Variants in NIBAN1 observed in about 807,000 individuals in gnomAD.
NIBAN1 encodes protein Niban 1.
A neutral mutation model predicts 75.1 loss-of-function variants in NIBAN1; 81 were observed. The ratio of observed to expected loss-of-function variants is 1.08; its 90% CI spans 0.90 to 1.30. NIBAN1 has a LOEUF of 1.30. Ranked by LOEUF, NIBAN1 falls within the 50% of genes most tolerant of loss-of-function variation. NIBAN1 has a pLI of 0.00. For missense variants in NIBAN1, 1,133 were observed against 1,128.1 expected (o/e 1.00, Z -0.06); for synonymous variants, 436 against 424.8 (o/e 1.03, Z -0.32).
chr1:184,908,612 T>C (rs1255461772), intron 1 of NIBAN1, among the ~76,000 whole-genome samples: 1 of 152,156 alleles, frequency 6.6e-6, no homozygotes, highest in African/African-American at 2.4e-5. Flanking sequence ...TTAGAAAAAA[T>C]ATATATGCCC....
intron 2 of NIBAN1, among the ~76,000 whole-genome samples, chr1:184,898,706 T>C (rs234641): frequency 0.58 from 87,495 of 151,704 alleles, 26,361 homozygotes; most frequent in African/African-American, 0.77. Flanking sequence ...CCGTTTCCTG[T>C]GTGTGAATAT....
At position 184,823,685 on chromosome 1, in the gene NIBAN1, G is replaced by A. The variant is rs778241540; in HGVS notation, c.775C>T (p.Pro259Ser). The stretch of plus-strand genomic sequence containing the variant: ...TCATTCTTCTTCCCCTTCATCTTAG[G>A]CAGCAGGTCTGTCTGAAGAGTGGGC... Reference protein sequence around the residue: ...LLPTLQTDLLPKMKGKKNDRK... With the variant: ...LLPTLQTDLLSKMKGKKNDRK... Residue 259 changes from proline (P) to serine (S), a missense_variant, in exon 7 of 14, where the codon CCT becomes TCT. By Grantham distance (74) the Pro-to-Ser change is moderately conservative. Transcript: ENST00000367511. 2.5e-6 allele frequency: 4 copies of A among 1,614,130 alleles called. No individual in the cohort carries two copies. The highest frequency in any genetic ancestry group is 3.4e-6 in the Non-Finnish European group (4 of 1,180,010).
intron 1 of NIBAN1, among the ~76,000 whole-genome samples, chr1:184,934,593 A>G (rs766241490): frequency 1.1e-4 from 17 of 152,282 alleles, no homozygotes; most frequent in Non-Finnish European, 1.6e-4. Flanking sequence ...GTAAGACTCC[A>G]TCTCTACAAA....
rs1571553225 is a variant in NIBAN1 at position 184,893,950 on chromosome 1, T to C, written c.318+125A>G. 18 of 959,980 alleles carry C rather than the reference T, an allele frequency of 1.9e-5. No homozygotes were observed. The East Asian group carries it at 4.8e-4, about 26-fold the overall frequency. 59.5% of individuals were successfully genotyped at this position (959,980 alleles called of 1,614,324 possible). ...TGCTTATTGAATGAATCAGTCTCTA[T>C]TTTTGTACCAGTACCATGCTGATTT... On this transcript the variant is annotated intron_variant, in intron 3 of 13. Transcript: ENST00000367511.
At chr1:184,813,527 C>A (rs1273404947) in intron 9 of NIBAN1, among the ~76,000 whole-genome samples, 1 of 151,884 alleles carries the variant, frequency 6.6e-6, no homozygotes, top group Non-Finnish European at 1.5e-5. Flanking sequence ...TTAACCATGC[C>A]CCCTAGCTAT....
At chr1:184,870,527 G>C (rs574810895) in intron 5 of NIBAN1, among the ~76,000 whole-genome samples, 1 of 152,000 alleles carries the variant, frequency 6.6e-6, no homozygotes, top group Non-Finnish European at 1.5e-5. Context: ...CATTTCCCCC[G>C]CTGTCAAGGT....
At chr1:184,828,286 A>G (rs1654900674) in intron 6 of NIBAN1, among the ~76,000 whole-genome samples, 1 of 152,168 alleles carries the variant, frequency 6.6e-6, no homozygotes, top group Non-Finnish European at 1.5e-5. Flanking sequence ...AGTCATTACT[A>G]TGAAGGTAAT....
chr1:184,929,027 G>A (rs1029525489), intron 1 of NIBAN1, among the ~76,000 whole-genome samples: 1 of 152,088 alleles, frequency 6.6e-6, no homozygotes, highest in African/African-American at 2.4e-5. Flanking sequence ...CCAATGTAAT[G>A]AGAAGTATAA....
chr1:184,851,796 T>TA (rs1323648576), intron 5 of NIBAN1, among the ~76,000 whole-genome samples: 1 of 152,098 alleles, frequency 6.6e-6, no homozygotes, highest in Non-Finnish European at 1.5e-5. Flanking sequence ...TATGAAATGT[T>TA]ACACTGTTAA....
rs1356019626 is a variant in NIBAN1 at position 184,832,014 on chromosome 1, C to T, written c.602-52G>A. ...GCAAGATAAAACACTCTAGATTTCC[C>T]CATAGCTCTTCAAGTGTAATGGCTC... On this transcript the variant is annotated intron_variant, in intron 5 of 13. Transcript: ENST00000367511. 4 of 1,326,038 alleles carry T rather than the reference C, an allele frequency of 3.0e-6. No homozygotes were observed. In the Admixed American group the frequency reaches 6.8e-5, roughly 23 times the overall value. 82.1% of individuals were successfully genotyped at this position (1,326,038 alleles called of 1,614,324 possible). A position where few individuals can be genotyped will look rare whatever the true frequency, so the allele number is the denominator to read the frequency against.
chr1:184,823,839 C>T (rs999453223), intron 6 of NIBAN1, 97 bp from the exon 7 acceptor site: 15 of 958,000 alleles, frequency 1.6e-5, no homozygotes, highest in South Asian at 5.5e-5. Flanking sequence ...GTCCCTGTCC[C>T]GGACCAGATG....
Position 184,872,003 on chromosome 1 carries a change from GC to G in NIBAN1, c.601+12629del, listed in dbSNP as rs200082742. ...CCTCTCAGGAACTCACCTTCAACTGGCTTCAGTGAAATATGAACTCATCATC... is the reference window on the plus strand; with the variant it reads ...CCTCTCAGGAACTCACCTTCAACTGGTTCAGTGAAATATGAACTCATCATC... On this transcript the variant is annotated intron_variant, in intron 5 of 13. Coordinates refer to ENST00000367511, the MANE Select transcript of NIBAN1 (RefSeq NM_052966.4). Among the ~76,000 whole-genome samples the G allele has an allele frequency of 5.9e-3, 902 of 152,080 alleles. 3 individuals are homozygous for G. Among genetic ancestry groups the G allele is most frequent in the Middle Eastern group, 0.024 (7 of 294 alleles).
Position 184,910,185 on chromosome 1 carries a change from G to A in NIBAN1, c.56-10876C>T, listed in dbSNP as rs1657204735. Among the ~76,000 whole-genome samples the A allele has an allele frequency of 2.0e-5, 3 of 152,014 alleles. No individual in the cohort carries two copies. The South Asian group carries it at 6.2e-4, about 31-fold the overall frequency. On this transcript the variant is annotated intron_variant, in intron 1 of 13. Transcript: ENST00000367511. ...TCTAACTAGTCATTATACGCACCAAGGAGATTAAGTATGAAGTAGAACTGT... is the reference window on the plus strand; with the variant it reads ...TCTAACTAGTCATTATACGCACCAAAGAGATTAAGTATGAAGTAGAACTGT...
At chr1:184,926,400 G>T (rs1333378793) in intron 1 of NIBAN1, among the ~76,000 whole-genome samples, 4 of 152,150 alleles carry the variant, frequency 2.6e-5, no homozygotes, top group African/African-American at 9.7e-5. Flanking sequence ...ACCAAGCCCA[G>T]CTAATTTTTG....
rs903019514 is a variant in NIBAN1 at position 184,890,045 on chromosome 1, C to G, written c.433+63G>C. 3.8e-5 allele frequency: 48 copies of G among 1,255,052 alleles called. No individual in the cohort carries two copies. The Admixed American group carries it at 8.3e-4, about 22-fold the overall frequency. The allele number at this position is 1,255,052 out of a possible 1,614,324, so 77.7% of individuals were successfully genotyped here. A position where few individuals can be genotyped will look rare whatever the true frequency, so the allele number is the denominator to read the frequency against. On this transcript the variant is annotated intron_variant, in intron 4 of 13. Transcript: ENST00000367511. ...AATCCCTCTCCTTCACAGAGAAACA[C>G]TGCTCCAGCTAAACAAAGAAGCTTA...
At chr1:184,906,616 G>T (rs1571563828) in intron 1 of NIBAN1, among the ~76,000 whole-genome samples, 1 of 152,080 alleles carries the variant, frequency 6.6e-6, no homozygotes, top group South Asian at 2.1e-4. Context: ...GGTAACAAGA[G>T]TGAAACTCCA....
chr1:184,797,840 T>A (rs1018987258), intron 13 of NIBAN1, among the ~76,000 whole-genome samples: 1 of 152,248 alleles, frequency 6.6e-6, no homozygotes, highest in African/African-American at 2.4e-5. Flanking sequence ...GCATTCATAT[T>A]TGTGTATTAA....
intron 5 of NIBAN1, among the ~76,000 whole-genome samples, chr1:184,875,756 A>C (rs1449188518): frequency 2.0e-5 from 3 of 152,358 alleles, no homozygotes; most frequent in African/African-American, 7.2e-5. Context: ...GAGAGATGAG[A>C]AAACAAAGCC....
At chr1:184,845,515 C>G (rs1655412745) in intron 5 of NIBAN1, among the ~76,000 whole-genome samples, 1 of 152,138 alleles carries the variant, frequency 6.6e-6, no homozygotes, top group South Asian at 2.1e-4. Flanking sequence ...AATTTTAATA[C>G]TTTGGGAGGC....
Sources: gnomAD v4.1 joint callset for allele counts (sites outside exome capture counted in the v4.1 genomes callset) on GRCh38, gnomAD v4.1.1 for gene constraint, MANE v1.5 for transcripts, NCBI Gene and HGNC (gene_info 2026-07-23, HGNC 2026-07-21) for gene names.